Variants in ASH2L observed in about 807,000 individuals in gnomAD.
ASH2L encodes the protein set1/Ash2 histone methyltransferase complex subunit ASH2.
ASH2L carries 30 observed loss-of-function variants against 81.1 expected under a neutral mutation model. The observed-to-expected ratio is 0.37, with a 90% CI of 0.28 to 0.50. The LOEUF (loss-of-function observed/expected upper bound fraction) is 0.50, where lower values mean the gene tolerates loss of function less well. Ranked by LOEUF, ASH2L falls within the 20% of genes least tolerant of loss-of-function variation. ASH2L has a pLI of 0.95. For synonymous variants in ASH2L, 273 were observed against 279.9 expected (o/e 0.98, Z 0.24); for missense variants, 559 against 792.1 (o/e 0.71, Z 3.53).
intron 5 of ASH2L, among the ~76,000 whole-genome samples, chr8:38,113,519 G>A (rs1259986142): frequency 6.6e-6 from 1 of 152,172 alleles, no homozygotes; most frequent in Non-Finnish European, 1.5e-5. Context: ...GAGGCCAGAA[G>A]ATGAAGGTCA....
At chr8:38,106,554 C>A in intron 2 of ASH2L, 110 bp downstream of exon 2, 1 of 954,616 alleles carries the variant, frequency 1.0e-6, no homozygotes, top group South Asian at 1.6e-5. Context: ...GTCGCCCAGG[C>A]TGGAATGCAG....
chr8:38,106,905 A>AG, intron 2 of ASH2L, 116 bp from the exon 3 acceptor site: 1 of 1,263,852 alleles, frequency 7.9e-7, no homozygotes, highest in Non-Finnish European at 1.1e-6. Context: ...CTGAGACCTC[A>AG]GGATCACTTG....
intron 12 of ASH2L, among the ~76,000 whole-genome samples, chr8:38,131,225 G>A (rs995148926): frequency 4.0e-5 from 6 of 151,890 alleles, no homozygotes; most frequent in Admixed American, 6.6e-5. Flanking sequence ...CCTGCCTCCC[G>A]GAACTCTTTA....
intron 8 of ASH2L, among the ~76,000 whole-genome samples, chr8:38,118,907 G>A (rs1811020489): frequency 6.6e-6 from 1 of 152,200 alleles, no homozygotes; most frequent in African/African-American, 2.4e-5. Context: ...TGCCCATACA[G>A]TTGTTTTCAT....
intron 10 of ASH2L, 128 bp from the exon 11 acceptor site, chr8:38,128,163 A>G: frequency 1.8e-6 from 2 of 1,109,932 alleles, no homozygotes; most frequent in African/African-American, 1.6e-5. Context: ...CTCCTCAACT[A>G]ATATTTCAAA....
In ASH2L at chr8:38,121,984, A is replaced by C. The variant is rs1801649746; in HGVS notation, c.1165+835A>C. Among the ~76,000 whole-genome samples, 5 of 152,316 alleles carry C rather than the reference A, an allele frequency of 3.3e-5. No homozygotes were observed. In the South Asian group the frequency reaches 1.0e-3, roughly 32 times the overall value. Reference sequence around the variant, plus strand: ...GTTTGTTTTTAAACTTATGTTCACTAATTTTAGCACCCATCAGTGGATATT... The same window carrying C: ...GTTTGTTTTTAAACTTATGTTCACTCATTTTAGCACCCATCAGTGGATATT... On this transcript the variant is annotated intron_variant, in intron 10 of 15. Transcript: ENST00000343823.
At chr8:38,105,857 C>T in intron 1 of ASH2L, 119 bp downstream of exon 1, 2 of 1,436,360 alleles carry the variant, frequency 1.4e-6, no homozygotes, top group East Asian at 2.6e-5. Context: ...GCCAATGGCT[C>T]GCCCTGCCTC....
Position 38,106,378 on chromosome 8 carries a change from GGA to G in ASH2L, c.191_192del (p.Glu64GlyfsTer16). The G allele has an allele frequency of 6.2e-7, 1 of 1,613,926 alleles. No homozygotes were observed. The highest frequency in any genetic ancestry group is 8.5e-7 in the Non-Finnish European group (1 of 1,179,878). On this transcript the variant is annotated frameshift_variant and splice_region_variant, in exon 2 of 16. Coordinates refer to ENST00000343823, the MANE Select transcript of ASH2L (RefSeq NM_004674.5). LOFTEE classifies it high-confidence loss of function. ...EPSSGEAEGG[E>X]ANLVDVSGGL... The stretch of plus-strand genomic sequence containing the variant: ...CTTGAGCGCTTTCATTATCTTATAG[GGA>G]GGCAAACTTGGTCGATGTAAGCGGT...
At chr8:38,130,551 A>G (rs1458596025) in intron 12 of ASH2L, among the ~76,000 whole-genome samples, 1 of 151,972 alleles carries the variant, frequency 6.6e-6, no homozygotes, top group East Asian at 1.9e-4. Context: ...TTCCTTTGAA[A>G]ACATCATGGT....
At chr8:38,112,493 G>C (rs926612122) in intron 5 of ASH2L, among the ~76,000 whole-genome samples, 1 of 151,848 alleles carries the variant, frequency 6.6e-6, no homozygotes, top group Non-Finnish European at 1.5e-5. Context: ...ACACTCCTAG[G>C]CTCAAGCAAT....
At chr8:38,110,695 T>C in intron 4 of ASH2L, 44 bp from the exon 5 acceptor site, 1 of 1,464,106 alleles carries the variant, frequency 6.8e-7, no homozygotes, top group Non-Finnish European at 9.5e-7. Context: ...GTAGTAGAGA[T>C]GTAGTACTAC....
intron 10 of ASH2L, among the ~76,000 whole-genome samples, chr8:38,122,020 A>G (rs1455899744): frequency 6.6e-6 from 1 of 152,212 alleles, no homozygotes; most frequent in Non-Finnish European, 1.5e-5. Context: ...GTCTGCAACA[A>G]TTATGACTGT....
intron 7 of ASH2L, 61 bp downstream of exon 7, chr8:38,115,061 G>T (rs1441219905): frequency 5.4e-6 from 6 of 1,109,964 alleles, no homozygotes; most frequent in Non-Finnish European, 8.3e-6. Context: ...TAGGTAATCA[G>T]GTTCTGTTTA....
In ASH2L at chr8:38,106,470, A is replaced by G. The variant is rs111603667; in HGVS notation, c.255+26A>G. On this transcript the variant is annotated intron_variant, in intron 2 of 15. Transcript: ENST00000343823. ...GTAAGTATTTTTAGTTGTTTGCAAG[A>G]CAAAATAGGGTTTGTTTTAGTTATT... The G allele has an allele frequency of 2.8e-3, 4,448 of 1,573,392 alleles. 111 individuals are homozygous for G. In the African/African-American group the frequency reaches 0.053, roughly 19 times the overall value.
At chr8:38,112,184 T>A (rs1325376828) in intron 5 of ASH2L, among the ~76,000 whole-genome samples, 1 of 152,056 alleles carries the variant, frequency 6.6e-6, no homozygotes, top group Non-Finnish European at 1.5e-5. Context: ...CTTAAAAAAA[T>A]TTTTTGTGGA....
At chr8:38,119,100 G>A in intron 8 of ASH2L, 170 bp from the exon 9 acceptor site, 1 of 592,596 alleles carries the variant, frequency 1.7e-6, no homozygotes, top group South Asian at 2.0e-5. Flanking sequence ...GCTATGAGAT[G>A]CTCAGTAGAT....
At position 38,109,694 on chromosome 8, in the gene ASH2L, CTCAAAGT is replaced by C. The variant is rs543649101; in HGVS notation, c.402-682_402-676del. Reference sequence around the variant, plus strand: ...TCAGGTGATCCATGCGCCTTGGCCTCTCAAAGTTCTGGAATTAGAGGTCTGAGCCACT... The same window carrying C: ...TCAGGTGATCCATGCGCCTTGGCCTCTCTGGAATTAGAGGTCTGAGCCACT... On this transcript the variant is annotated intron_variant, in intron 3 of 15. Transcript: ENST00000343823. Among the ~76,000 whole-genome samples the C allele has an allele frequency of 2.0e-4, 31 of 152,292 alleles. 1 individual carries two copies. In the South Asian group the frequency reaches 6.4e-3, roughly 32 times the overall value.
intron 9 of ASH2L, 118 bp from the exon 10 acceptor site, chr8:38,120,814 T>A: frequency 1.3e-6 from 1 of 769,362 alleles, no homozygotes; most frequent in Non-Finnish European, 2.1e-6. Context: ...TGAGAAGTAT[T>A]TGCTGTGAAG....
chr8:38,117,210 C>T (rs578075070), intron 8 of ASH2L, among the ~76,000 whole-genome samples: 5 of 152,244 alleles, frequency 3.3e-5, no homozygotes, highest in East Asian at 1.9e-4. Context: ...GAAAACCCCT[C>T]GTTACTAATG....
Sources: allele counts gnomAD v4.1 joint callset (sites outside exome capture counted in the v4.1 genomes callset), GRCh38; gene constraint gnomAD v4.1.1; transcripts MANE v1.5; gene names NCBI Gene and HGNC (gene_info 2026-07-23, HGNC 2026-07-21).